Variants in PIK3C2G observed in about 807,000 individuals in gnomAD.
The protein encoded by PIK3C2G is phosphatidylinositol 3-kinase C2 domain-containing subunit gamma.
In PIK3C2G, 168 loss-of-function variants were observed where a neutral mutation model predicts 181.1. The ratio of observed to expected loss-of-function variants is 0.93; its 90% CI spans 0.82 to 1.05. PIK3C2G has a LOEUF of 1.05. Among genes scored for constraint, PIK3C2G ranks in the 50% least tolerant of loss-of-function variants. The probability of loss-of-function intolerance (pLI) is 0.00; values close to 1 mark genes in which losing one functional copy is unlikely to be tolerated. For synonymous variants in PIK3C2G, 573 were observed against 592.2 expected (o/e 0.97, Z 0.47); for missense variants, 1,869 against 1,732.8 (o/e 1.08, Z -1.40).
chr12:18,712,783 A>T, the PIK3C2G span: 1 of 1,580,286 alleles, frequency 6.3e-7, no homozygotes, highest in Non-Finnish European at 8.7e-7. Flanking sequence ...ATTTTGAAGC[A>T]AGTAAATTAG....
At chr12:18,452,737 C>T (rs1392571411) in intron 18 of PIK3C2G, among the ~76,000 whole-genome samples, 7 of 152,102 alleles carry the variant, frequency 4.6e-5, no homozygotes, top group African/African-American at 1.4e-4. Context: ...ACTGCTTTAG[C>T]TGTGTCTCAG....
chr12:18,448,982 A>G (rs1947185952), intron 18 of PIK3C2G, among the ~76,000 whole-genome samples: 2 of 151,926 alleles, frequency 1.3e-5, no homozygotes, highest in African/African-American at 4.8e-5. Flanking sequence ...GGTTGACTTT[A>G]TTTATTTCTG....
chr12:18,380,286 A>T (rs978739518), intron 13 of PIK3C2G, among the ~76,000 whole-genome samples: 1 of 152,004 alleles, frequency 6.6e-6, no homozygotes, highest in African/African-American at 2.4e-5. Flanking sequence ...ATGTTCTCCT[A>T]TCCAATATGG....
chr12:18,358,701 C>A, intron 11 of PIK3C2G: 1 of 474,960 alleles, frequency 2.1e-6, no homozygotes, highest in South Asian at 1.6e-5. Flanking sequence ...TTCCAGGAAC[C>A]AAAGAAAGAG....
At chr12:18,466,054 T>C (rs1265689984) in intron 18 of PIK3C2G, among the ~76,000 whole-genome samples, 3 of 151,600 alleles carry the variant, frequency 2.0e-5, no homozygotes, top group Non-Finnish European at 4.4e-5. Context: ...TGTGTGTATA[T>C]GTGTATTTAT....
At chr12:18,365,787 G>GTTT (rs1179297272) in intron 12 of PIK3C2G, among the ~76,000 whole-genome samples, 2 of 152,110 alleles carry the variant, frequency 1.3e-5, no homozygotes, top group African/African-American at 4.8e-5. Context: ...TCCACACTTA[G>GTTT]AGAATCAATA....
At chr12:18,721,636 T>C in the PIK3C2G span, among the ~76,000 whole-genome samples, 1 of 151,912 alleles carries the variant, frequency 6.6e-6, no homozygotes, top group Non-Finnish European at 1.5e-5. Flanking sequence ...AAACTGGTTG[T>C]TTCCAGTTGG....
chr12:18,325,364 A>G (rs1401363080), intron 8 of PIK3C2G, among the ~76,000 whole-genome samples: 1 of 152,182 alleles, frequency 6.6e-6, no homozygotes, highest in Admixed American at 6.5e-5. Context: ...GAATGTTGAC[A>G]AATGTTGACT....
chr12:18,261,033 T>A (rs936315022), upstream of PIK3C2G, among the ~76,000 whole-genome samples: 1 of 152,048 alleles, frequency 6.6e-6, no homozygotes, highest in African/African-American at 2.4e-5. Context: ...CTTTCTAAAT[T>A]AGAAAAAAAT....
Position 18,640,561 on chromosome 12 carries a change from A to C in PIK3C2G, c.4308+7A>C. 1 of 1,586,646 alleles carries C rather than the reference A, an allele frequency of 6.3e-7. No individual in the cohort carries two copies. Among genetic ancestry groups the C allele is most frequent in the Non-Finnish European group, 8.6e-7 (1 of 1,164,844 alleles). On this transcript the variant is annotated splice_region_variant and intron_variant, in intron 32 of 32. Transcript: ENST00000538779. The stretch of plus-strand genomic sequence containing the variant: ...CCCCACTTACAATGAAATTGTAAGT[A>C]TAAGTCACCTTTTGTCCAGTCATTT...
the PIK3C2G span, among the ~76,000 whole-genome samples, chr12:18,690,380 T>C: frequency 6.6e-6 from 1 of 152,058 alleles, no homozygotes; most frequent in Non-Finnish European, 1.5e-5. Context: ...GATGCCACCA[T>C]GCCCAGCTAA....
At position 18,497,755 on chromosome 12, in the gene PIK3C2G, AT is replaced by A; in HGVS notation, c.3016+8del. 1 of 1,593,768 alleles carries A rather than the reference AT, an allele frequency of 6.3e-7. No homozygotes were observed. Among genetic ancestry groups the A allele is most frequent in the Non-Finnish European group, 8.6e-7 (1 of 1,169,010 alleles). ...TCCACAGGAAAAGACCAAGGTCAGTATAGATTAGAAAGTGCGCTGGCTCACA... is the reference window on the plus strand; with the variant it reads ...TCCACAGGAAAAGACCAAGGTCAGTAAGATTAGAAAGTGCGCTGGCTCACA... On this transcript the variant is annotated splice_region_variant and intron_variant, in intron 22 of 32. Coordinates refer to ENST00000538779, the MANE Select transcript of PIK3C2G (RefSeq NM_001288772.2).
At chr12:18,611,040 C>G (rs1324631498) in intron 31 of PIK3C2G, among the ~76,000 whole-genome samples, 2 of 152,020 alleles carry the variant, frequency 1.3e-5, no homozygotes, top group Admixed American at 1.3e-4. Context: ...TATTAACCAA[C>G]CTAGTCATCC....
At chr12:18,343,433 C>A in intron 10 of PIK3C2G, 73 bp downstream of exon 10, 5 of 759,596 alleles carry the variant, frequency 6.6e-6, no homozygotes, top group South Asian at 1.7e-5. Flanking sequence ...ATACTTTTTT[C>A]AATTTTTTTA....
At chr12:18,523,701 G>A (rs528553068) in intron 24 of PIK3C2G, among the ~76,000 whole-genome samples, 2 of 152,286 alleles carry the variant, frequency 1.3e-5, no homozygotes, top group South Asian at 4.1e-4. Flanking sequence ...CCTCTTCATG[G>A]CCAGAGTTGG....
chr12:18,522,853 T>C (rs887791431), intron 24 of PIK3C2G, among the ~76,000 whole-genome samples: 2 of 125,814 alleles, frequency 1.6e-5, no homozygotes, highest in African/African-American at 5.2e-5. Context: ...TCCTCTCCTT[T>C]AGGAACTCCT....
At chr12:18,576,751 C>T (rs972227404) in intron 29 of PIK3C2G, among the ~76,000 whole-genome samples, 1 of 152,116 alleles carries the variant, frequency 6.6e-6, no homozygotes, top group Non-Finnish European at 1.5e-5. Flanking sequence ...CATTGGGTTC[C>T]AAGTGATTTT....
intron 15 of PIK3C2G, among the ~76,000 whole-genome samples, chr12:18,395,724 A>G (rs1192187794): frequency 1.3e-5 from 2 of 151,560 alleles, no homozygotes; most frequent in East Asian, 3.9e-4. Context: ...AACTTCAATA[A>G]GAATGAAAAT....
Position 18,450,852 on chromosome 12 carries a change from G to T in PIK3C2G, c.2504+26813G>T, listed in dbSNP as rs574582391. ...ATAGGGAATCCTTTCACCATTGCTTGTTTTTGTCAGGTTTGTCAAAGATCA... is the reference window on the plus strand; with the variant it reads ...ATAGGGAATCCTTTCACCATTGCTTTTTTTTGTCAGGTTTGTCAAAGATCA... On this transcript the variant is annotated intron_variant, in intron 18 of 32. Coordinates refer to ENST00000538779, the MANE Select transcript of PIK3C2G (RefSeq NM_001288772.2). Among the ~76,000 whole-genome samples the T allele has an allele frequency of 1.3e-4, 20 of 152,244 alleles. No homozygotes were observed. The South Asian group carries it at 3.9e-3, about 30-fold the overall frequency.
Sources: gnomAD v4.1 joint callset for allele counts (sites outside exome capture counted in the v4.1 genomes callset) on GRCh38, gnomAD v4.1.1 for gene constraint, MANE v1.5 for transcripts, NCBI Gene and HGNC (gene_info 2026-07-23, HGNC 2026-07-21) for gene names.